FAM168A: variants seen among roughly 807,000 people sequenced by gnomAD.
FAM168A encodes the protein family with sequence similarity 168 member A.
In FAM168A, 3 loss-of-function variants were observed where a neutral mutation model predicts 28.5. That is an observed-to-expected ratio of 0.11 (90% CI 0.05 to 0.27). FAM168A has a LOEUF of 0.27. Among genes scored for constraint, FAM168A ranks in the 10% least tolerant of loss-of-function variants. The probability of loss-of-function intolerance (pLI) is 1.00; values close to 1 mark genes in which losing one functional copy is unlikely to be tolerated. For synonymous variants in FAM168A, 122 were observed against 124.2 expected (o/e 0.98, Z 0.12); for missense variants, 222 against 311.5 (o/e 0.71, Z 2.16).
At chr11:73,409,980 A>G (rs1866579186) in intron 5 of FAM168A, among the ~76,000 whole-genome samples, 1 of 152,244 alleles carries the variant, frequency 6.6e-6, no homozygotes, top group Non-Finnish European at 1.5e-5. Context: ...ATTTAAAGTT[A>G]GGAATAACAA....
At chr11:73,549,567 CACAA>C (rs964054264) in intron 1 of FAM168A, among the ~76,000 whole-genome samples, 14 of 152,170 alleles carry the variant, frequency 9.2e-5, no homozygotes, top group Admixed American at 3.9e-4. Flanking sequence ...TTCCCGGAGG[CACAA>C]ACAGTCTAGC....
chr11:73,484,282 A>AG (rs1240657664), intron 1 of FAM168A, among the ~76,000 whole-genome samples: 1 of 152,146 alleles, frequency 6.6e-6, no homozygotes, highest in African/African-American at 2.4e-5. Context: ...TAAGCTGAAT[A>AG]GCCCAGCCTA....
chr11:73,482,807 C>G (rs1015518023), intron 1 of FAM168A, among the ~76,000 whole-genome samples: 14 of 152,082 alleles, frequency 9.2e-5, no homozygotes, highest in Admixed American at 9.2e-4. Flanking sequence ...GGCGCAATTT[C>G]AGCTCACTGC....
intron 1 of FAM168A, among the ~76,000 whole-genome samples, chr11:73,537,452 T>C (rs578216368): frequency 7.9e-5 from 12 of 152,086 alleles, no homozygotes; most frequent in Non-Finnish European, 1.6e-4. Context: ...TCCCAGCTAC[T>C]TGGGGGACTG....
intron 1 of FAM168A, among the ~76,000 whole-genome samples, chr11:73,579,037 G>C (rs1472426662): frequency 2.0e-5 from 3 of 152,212 alleles, no homozygotes; most frequent in African/African-American, 7.2e-5. Flanking sequence ...CTGGTTTGCA[G>C]ATGGCCCTCT....
At chr11:73,526,686 T>C (rs1943451258) in intron 1 of FAM168A, among the ~76,000 whole-genome samples, 1 of 152,098 alleles carries the variant, frequency 6.6e-6, no homozygotes, top group African/African-American at 2.4e-5. Flanking sequence ...AAATCGCTTA[T>C]TGTTGGCTAA....
intron 4 of FAM168A, among the ~76,000 whole-genome samples, chr11:73,417,942 G>A (rs958435090): frequency 6.6e-5 from 10 of 152,060 alleles, no homozygotes; most frequent in Admixed American, 5.9e-4. Context: ...CCTTTTTCCG[G>A]CTGTGCTGCT....
chr11:73,592,879 A>G (rs1944398745), intron 1 of FAM168A, among the ~76,000 whole-genome samples: 1 of 152,312 alleles, frequency 6.6e-6, no homozygotes, highest in African/African-American at 2.4e-5. Flanking sequence ...TACCAAAAAA[A>G]AAAAAAAGTG....
At chr11:73,584,516 C>G (rs1399693612) in intron 1 of FAM168A, among the ~76,000 whole-genome samples, 3 of 148,898 alleles carry the variant, frequency 2.0e-5, no homozygotes, top group Non-Finnish European at 4.5e-5. Flanking sequence ...CTCCGTCACC[C>G]AGGCTGGAGT....
intron 1 of FAM168A, among the ~76,000 whole-genome samples, chr11:73,509,549 TCCA>T (rs1040384717): frequency 6.6e-6 from 1 of 152,126 alleles, no homozygotes; most frequent in African/African-American, 2.4e-5. Context: ...AAGTGAGATG[TCCA>T]CCACAAAACC....
At position 73,402,997 on chromosome 11, in the gene FAM168A, G is replaced by C. The variant is rs1866439911; in HGVS notation, c.*3766C>G. ...TGGCAGCAGAAAGAGCAGAGGATTT[G>C]AAGAATCACTTCCAAGCTGTGTGAC... On this transcript the variant is annotated 3_prime_UTR_variant, in exon 8 of 8. Transcript: ENST00000356467. 1 of 152,196 alleles carries C rather than the reference G, an allele frequency of 6.6e-6. No homozygotes were observed. Among genetic ancestry groups the C allele is most frequent in the Non-Finnish European group, 1.5e-5 (1 of 68,048 alleles). 9.4% of individuals were successfully genotyped at this position (152,196 alleles called of 1,614,324 possible).
At chr11:73,511,620 A>T (rs771972926) in intron 1 of FAM168A, among the ~76,000 whole-genome samples, 3 of 151,612 alleles carry the variant, frequency 2.0e-5, no homozygotes, top group Non-Finnish European at 4.4e-5. Flanking sequence ...CAAATTTCAG[A>T]GAAATAGCAG....
chr11:73,484,379 C>T (rs1246716762), intron 1 of FAM168A, among the ~76,000 whole-genome samples: 1 of 151,532 alleles, frequency 6.6e-6, no homozygotes, highest in Non-Finnish European at 1.5e-5. Context: ...CTTAAATAAC[C>T]ATAATTTATT....
intron 1 of FAM168A, among the ~76,000 whole-genome samples, chr11:73,517,601 G>T (rs1406973457): frequency 6.6e-6 from 1 of 152,102 alleles, no homozygotes; most frequent in Admixed American, 6.6e-5. Context: ...TCTTCGGAAG[G>T]TACACTCCTA....
At chr11:73,504,798 T>C (rs576237963) in intron 1 of FAM168A, among the ~76,000 whole-genome samples, 1 of 152,294 alleles carries the variant, frequency 6.6e-6, no homozygotes, top group Admixed American at 6.5e-5. Flanking sequence ...ATGTGGTACA[T>C]ACATACCATG....
At chr11:73,590,270 G>GC (rs1208839863) in intron 1 of FAM168A, among the ~76,000 whole-genome samples, 1 of 152,074 alleles carries the variant, frequency 6.6e-6, no homozygotes, top group Non-Finnish European at 1.5e-5. Flanking sequence ...AGGCATGGTG[G>GC]CACATGCCTG....
rs1340105438 is a variant in FAM168A, at chr11:73,400,515, G to T, written c.*6248C>A. ...ACAATAGATGTCAGCTTTATTGCGC[G>T]GATGGCTCAATGGATTTCAACTCTG... On this transcript the variant is annotated 3_prime_UTR_variant, in exon 8 of 8. Transcript: ENST00000356467. The T allele has an allele frequency of 6.6e-6, 1 of 152,160 alleles. No individual in the cohort carries two copies. The highest frequency in any genetic ancestry group is 2.4e-5 in the African/African-American group (1 of 41,432). 9.4% of individuals were successfully genotyped at this position (152,160 alleles called of 1,614,324 possible).
intron 1 of FAM168A, among the ~76,000 whole-genome samples, chr11:73,533,623 A>G (rs1943542275): frequency 6.6e-6 from 1 of 152,210 alleles, no homozygotes; most frequent in African/African-American, 2.4e-5. Context: ...TTCACACCAA[A>G]AAGTGGCTTT....
chr11:73,488,946 T>C (rs538570410), intron 1 of FAM168A, among the ~76,000 whole-genome samples: 1 of 152,324 alleles, frequency 6.6e-6, no homozygotes, highest in East Asian at 1.9e-4. Context: ...TGGAGTGCAG[T>C]GGTGCGATCT....
Sources: gnomAD v4.1 joint callset for allele counts (sites outside exome capture counted in the v4.1 genomes callset) on GRCh38, gnomAD v4.1.1 for gene constraint, MANE v1.5 for transcripts, NCBI Gene and HGNC (gene_info 2026-07-23, HGNC 2026-07-21) for gene names.